The following NCAPD3 variants were observed in gnomAD, a reference collection of about 807,000 sequenced individuals.
The protein encoded by NCAPD3 is condensin-2 complex subunit D3.
In NCAPD3, 105 loss-of-function variants were observed where a neutral mutation model predicts 182.9. That is an observed-to-expected ratio of 0.57 (90% CI 0.49 to 0.68). The LOEUF (loss-of-function observed/expected upper bound fraction) is 0.68, where lower values mean the gene tolerates loss of function less well. NCAPD3 is among the 30% of genes least tolerant of loss of function. The pLI is 0.00. For missense variants in NCAPD3, 1,944 were observed against 1,837.0 expected (o/e 1.06, Z -1.07); for synonymous variants, 815 against 679.9 (o/e 1.20, Z -3.09).
chr11:134,193,927 A>T (rs560807559), intron 15 of NCAPD3, 89 bp downstream of exon 15: 1 of 1,384,092 alleles, frequency 7.2e-7, no homozygotes, highest in South Asian at 1.3e-5. Context: ...TTAAAGGTCA[A>T]CTTAACGTTT....
At chr11:134,166,692 CTGAG>C (rs1267118563) in intron 27 of NCAPD3, among the ~76,000 whole-genome samples, 272 of 113,936 alleles carry the variant, frequency 2.4e-3, no homozygotes, top group African/African-American at 8.7e-3. Context: ...GAGGGGCACA[CTGAG>C]TGAGATGAGC....
At chr11:134,186,949 T>A (rs1447255778) in intron 16 of NCAPD3, among the ~76,000 whole-genome samples, 1 of 152,244 alleles carries the variant, frequency 6.6e-6, no homozygotes, top group Non-Finnish European at 1.5e-5. Context: ...CAAGTATTTT[T>A]AAATTTATTT....
intron 16 of NCAPD3, chr11:134,186,029 T>G (rs540115683): frequency 1.3e-5 from 2 of 151,770 alleles, no homozygotes; most frequent in African/African-American, 4.8e-5. Context: ...TGCCTCAGCC[T>G]CCCGAGTAGC....
Position 134,177,236 on chromosome 11 carries a change from G to A in NCAPD3, c.3004C>T (p.Leu1002Phe). 6.2e-7 allele frequency: 1 copy of A among 1,613,926 alleles called. No individual in the cohort carries two copies. The highest frequency in any genetic ancestry group is 8.5e-7 in the Non-Finnish European group (1 of 1,179,748). ...PFIRKQTLIL[L>F]TNLLQEEFVK... ...CTACGCACCTGCAAGAGATTGGTAA[G>A]CAAGATGAGTGTCTGCTTCCGGATG... The change falls in exon 23 of 35, where the codon CTT becomes TTT. Residue 1002 changes from leucine (L) to phenylalanine (F), a missense_variant. Transcript: ENST00000534548.
chr11:134,203,439 G>C (rs934012919), intron 11 of NCAPD3, among the ~76,000 whole-genome samples: 23 of 152,316 alleles, frequency 1.5e-4, no homozygotes, highest in African/African-American at 5.5e-4. Flanking sequence ...TCTCAGATAT[G>C]AACATCTGAA....
chr11:134,213,541 T>C (rs1937916779), intron 3 of NCAPD3, among the ~76,000 whole-genome samples: 1 of 151,308 alleles, frequency 6.6e-6, no homozygotes, highest in Non-Finnish European at 1.5e-5. Context: ...TGGTCTTAAA[T>C]GCCTGACTTC....
chr11:134,164,187 C>T lies in NCAPD3; in HGVS notation c.3574-2296G>A, dbSNP rs529590373. Reference sequence around the variant, plus strand: ...GAGGCCTGTGGCAGCCAAGCTCTGCCCCAGTCATTCAGATCCAAATTCTAC... The same window carrying T: ...GAGGCCTGTGGCAGCCAAGCTCTGCTCCAGTCATTCAGATCCAAATTCTAC... On this transcript the variant is annotated intron_variant, in intron 27 of 34. Coordinates refer to ENST00000534548, the MANE Select transcript of NCAPD3 (RefSeq NM_015261.3). Among the ~76,000 whole-genome samples the T allele has an allele frequency of 2.4e-3, 364 of 152,262 alleles. 1 individual carries two copies. Among genetic ancestry groups the T allele is most frequent in the African/African-American group, 8.5e-3 (355 of 41,560 alleles).
chr11:134,194,250 T>A, intron 14 of NCAPD3, 100 bp from the exon 15 acceptor site: 3 of 1,318,340 alleles, frequency 2.3e-6, no homozygotes, highest in Non-Finnish European at 2.1e-6. Flanking sequence ...TTGTGGTTCT[T>A]AACATTTTGG....
Position 134,157,791 on chromosome 11 carries a change from T to A in NCAPD3, c.4174+137A>T, listed in dbSNP as rs1048794495. On this transcript the variant is annotated intron_variant, in intron 31 of 34. Transcript: ENST00000534548. ...TAAATATGCATTGTTTTACTACCCA[T>A]GATCCTAAAAGCCCAATTAACGTTA... is the stretch of plus-strand genomic sequence containing the variant. The A allele has an allele frequency of 1.3e-5, 13 of 991,436 alleles. No homozygotes were observed. In the East Asian group the frequency reaches 2.2e-4, roughly 17 times the overall value. The allele number at this position is 991,436 out of a possible 1,614,324, so 61.4% of individuals were successfully genotyped here.
chr11:134,160,852 C>T (rs1470003408), intron 28 of NCAPD3, among the ~76,000 whole-genome samples: 3 of 151,930 alleles, frequency 2.0e-5, no homozygotes, highest in South Asian at 2.1e-4. Context: ...CAACAAGCAA[C>T]GTGTGGCCAT....
intron 30 of NCAPD3, 77 bp from the exon 31 acceptor site, chr11:134,158,144 G>T: frequency 6.4e-7 from 1 of 1,550,952 alleles, no homozygotes; most frequent in Non-Finnish European, 8.8e-7. Flanking sequence ...CTGTGTCCCC[G>T]CGTGCCTCCT....
intron 32 of NCAPD3, among the ~76,000 whole-genome samples, chr11:134,156,655 G>C (rs893687511): frequency 1.3e-5 from 2 of 152,124 alleles, no homozygotes; most frequent in Admixed American, 6.5e-5. Flanking sequence ...CCCGCCCTGG[G>C]AGCAGGCCCA....
chr11:134,166,673 AG>A (rs1943815114), intron 27 of NCAPD3, among the ~76,000 whole-genome samples: 1 of 92,248 alleles, frequency 1.1e-5, no homozygotes, highest in Non-Finnish European at 2.0e-5. Context: ...TTGTGAGATG[AG>A]CTTGGGGGAG....
In NCAPD3 at chr11:134,199,831, G is replaced by A. The variant is rs1944712864; in HGVS notation, c.1615+2985C>T. On this transcript the variant is annotated intron_variant, in intron 13 of 34. Transcript: ENST00000534548. ...GAAAAAATTATTTCCCCTCTCCTAC[G>A]CTAGAACGCAACGGCAATCAACACA... Among the ~76,000 whole-genome samples the A allele has an allele frequency of 2.0e-5, 3 of 152,214 alleles. No individual in the cohort carries two copies. In the South Asian group the frequency reaches 6.2e-4, roughly 32 times the overall value.
chr11:134,215,604 G>A lies in NCAPD3; in HGVS notation c.382+1332C>T, dbSNP rs1044679322. ...TTTAAAGGGGAGATGCAAGAGTTGC[G>A]CACCAAAAATTATAGAGCATTATTG... On this transcript the variant is annotated intron_variant, in intron 3 of 34. Coordinates refer to ENST00000534548, the MANE Select transcript of NCAPD3 (RefSeq NM_015261.3). Among the ~76,000 whole-genome samples, 4 of 152,042 alleles carry A rather than the reference G, an allele frequency of 2.6e-5. No homozygotes were observed. The South Asian group carries it at 6.2e-4, about 24-fold the overall frequency.
At chr11:134,219,299 C>T (rs1938140284) in intron 2 of NCAPD3, among the ~76,000 whole-genome samples, 1 of 152,184 alleles carries the variant, frequency 6.6e-6, no homozygotes, top group Non-Finnish European at 1.5e-5. Flanking sequence ...CCGCACCTCT[C>T]TTGGAGCATT....
Position 134,204,300 on chromosome 11 carries a change from C to G in NCAPD3, c.1090-129G>C. ...TGACCTTTAAATGTTACGTAAATGA[C>G]TAATAAATTTTAGGTTTTAGAACAC... is the stretch of plus-strand genomic sequence containing the variant. On this transcript the variant is annotated intron_variant, in intron 9 of 34. Transcript: ENST00000534548. This position sits in a 1 kb window ranked among gnomAD's most constrained non-coding sequence, Gnocchi z 4.3. 9.7e-7 allele frequency: 1 copy of G among 1,030,842 alleles called. No individual in the cohort carries two copies. Among genetic ancestry groups the G allele is most frequent in the Non-Finnish European group, 1.4e-6 (1 of 734,884 alleles). 63.9% of individuals were successfully genotyped at this position (1,030,842 alleles called of 1,614,324 possible).
Position 134,204,318 on chromosome 11 carries a change from T to C in NCAPD3, c.1090-147A>G, listed in dbSNP as rs920217335. 4.6e-6 allele frequency: 4 copies of C among 873,822 alleles called. No homozygotes were observed. The highest frequency in any genetic ancestry group is 6.7e-6 in the Non-Finnish European group (4 of 596,182). 54.1% of individuals were successfully genotyped at this position (873,822 alleles called of 1,614,324 possible). On this transcript the variant is annotated intron_variant, in intron 9 of 34. Transcript: ENST00000534548. The surrounding 1 kb of genome is among the most constrained non-coding windows in gnomAD (Gnocchi z 4.3). Reference sequence around the variant, plus strand: ...TAAATGACTAATAAATTTTAGGTTTTAGAACACTTCAAAACTAATCTAAAG... The same window carrying C: ...TAAATGACTAATAAATTTTAGGTTTCAGAACACTTCAAAACTAATCTAAAG...
rs1173819431 is a variant in NCAPD3, at chr11:134,153,313, G to A, written c.4303C>T (p.Pro1435Ser). 1 of 1,614,198 alleles carries A rather than the reference G, an allele frequency of 6.2e-7. No homozygotes were observed. The highest frequency in any genetic ancestry group is 8.5e-7 in the Non-Finnish European group (1 of 1,180,032). Reference protein sequence around the residue: ...FGAGVSYIGTPRTPSSAKEKI... With the variant: ...FGAGVSYIGTSRTPSSAKEKI... The stretch of plus-strand genomic sequence containing the variant: ...CCTTTGGCTGACGACGGAGTCCGTG[G>A]TGTCCCGATGTAACTGACCCCTGCT... The change falls in exon 33 of 35, where the codon CCA (proline) becomes TCA (serine). Residue 1435 changes from proline (P) to serine (S), a missense_variant. Transcript: ENST00000534548.
Sources: allele counts gnomAD v4.1 joint callset (sites outside exome capture counted in the v4.1 genomes callset), GRCh38; gene constraint gnomAD v4.1.1; non-coding constraint Gnocchi (gnomAD v3.1); transcripts MANE v1.5; gene names NCBI Gene and HGNC (gene_info 2026-07-23, HGNC 2026-07-21).